The following SDK2 variants were observed in gnomAD, a reference collection of about 807,000 sequenced individuals.
SDK2 encodes protein sidekick-2.
Under a neutral mutation model 253.9 loss-of-function variants are expected in SDK2, and 105 were observed. The observed-to-expected ratio is 0.41, with a 90% confidence interval of 0.35 to 0.49. The LOEUF is 0.49. SDK2 is among the 20% of genes least tolerant of loss of function. The pLI is 0.06. For missense variants in SDK2, 2,608 were observed against 3,003.0 expected (o/e 0.87, Z 3.07); for synonymous variants, 1,249 against 1,234.9 (o/e 1.01, Z -0.24).
chr17:73,380,921 G>T lies in SDK2; in HGVS notation c.4735C>A (p.Pro1579Thr). The change falls in exon 34 of 45, where the codon CCC becomes ACC. Residue 1579 changes from proline (P) to threonine (T), a missense_variant. Around this residue, in one of 2 missense-constraint regions of SDK2, gnomAD observed 1,103 missense variants for 1,143.9 expected, o/e 0.96. Transcript: ENST00000392650. ...SMYSMRNLSRPSLTQYELDNL... is the reference protein window; with the variant it reads ...SMYSMRNLSRTSLTQYELDNL... ...TCCAGCTCGTACTGCGTGAGGCTGG[G>T]CCGGCTCAGGTTCCGCATGGAGTAC... 1.3e-6 allele frequency: 2 copies of T among 1,568,136 alleles called. No homozygotes were observed. Among genetic ancestry groups the T allele is most frequent in the Non-Finnish European group, 1.7e-6 (2 of 1,156,412 alleles).
chr17:73,427,067 A>G (rs2145599024), intron 12 of SDK2, among the ~76,000 whole-genome samples: 1 of 152,288 alleles, frequency 6.6e-6, no homozygotes, highest in East Asian at 1.9e-4. Context: ...CCTGGGTGAC[A>G]GAGCGAGACT....
rs1208103736 is a variant in SDK2, at chr17:73,511,919, GTGTGTGCAGGTGTGTC to G, written c.65-4338_65-4323del. Among the ~76,000 whole-genome samples, 1 of 152,130 alleles carries G rather than the reference GTGTGTGCAGGTGTGTC, an allele frequency of 6.6e-6. No homozygotes were observed. Among genetic ancestry groups the G allele is most frequent in the Non-Finnish European group, 1.5e-5 (1 of 68,024 alleles). On this transcript the variant is annotated intron_variant, in intron 1 of 44. Coordinates refer to ENST00000392650, the MANE Select transcript of SDK2 (RefSeq NM_001144952.2). This position sits in a 1 kb window ranked among gnomAD's most constrained non-coding sequence, Gnocchi z 4.9. ...CACGTGTTTATGTGTGCAGGTGTGT[GTGTGTGCAGGTGTGTC>G]TGCATGTATGTCCATGTGTGGACAT...
intron 1 of SDK2, among the ~76,000 whole-genome samples, chr17:73,640,576 G>A (rs1408525853): frequency 1.3e-5 from 2 of 152,196 alleles, no homozygotes; most frequent in South Asian, 4.1e-4. Flanking sequence ...GGTAATTAGC[G>A]AAAGGCCCTG....
chr17:73,457,688 C>T (rs2063538511), intron 3 of SDK2, among the ~76,000 whole-genome samples: 1 of 151,942 alleles, frequency 6.6e-6, no homozygotes, highest in African/African-American at 2.4e-5. Context: ...GTGCCTGGAC[C>T]TGTGCACAGA....
chr17:73,393,234 T>C (rs2062942475), intron 27 of SDK2, among the ~76,000 whole-genome samples: 1 of 96,388 alleles, frequency 1.0e-5, no homozygotes, highest in East Asian at 3.5e-4. Context: ...GACAGAGTGA[T>C]ACTCTATCAA....
intron 1 of SDK2, among the ~76,000 whole-genome samples, chr17:73,604,129 T>G (rs1283152666): frequency 6.6e-6 from 1 of 152,200 alleles, no homozygotes; most frequent in African/African-American, 2.4e-5. Flanking sequence ...AGTGTTTATT[T>G]CCAGGGCGAG....
chr17:73,542,412 C>A (rs778290322), intron 1 of SDK2, among the ~76,000 whole-genome samples: 3 of 152,196 alleles, frequency 2.0e-5, no homozygotes, highest in Non-Finnish European at 4.4e-5. Flanking sequence ...CTCCTGGGTG[C>A]CTGTTGGTGG....
At position 73,639,275 on chromosome 17, in the gene SDK2, C is replaced by G. The variant is rs2046368211; in HGVS notation, c.64+4750G>C. 6.6e-6 allele frequency among the ~76,000 whole-genome samples: 1 copy of G among 152,128 alleles called. No homozygotes were observed. The highest frequency in any genetic ancestry group is 2.1e-4 in the South Asian group (1 of 4,830). ...TCTCCCCAGGGCTCCCTGGGCTCAG[C>G]AAGAGGCTTTTTGGTCCAGGCACCA... is the stretch of plus-strand genomic sequence containing the variant. On this transcript the variant is annotated intron_variant, in intron 1 of 44. Transcript: ENST00000392650. This position sits in a 1 kb window ranked among gnomAD's most constrained non-coding sequence, Gnocchi z 4.3.
At position 73,431,074 on chromosome 17, in the gene SDK2, G is replaced by A. The variant is rs937892362; in HGVS notation, c.1480+428C>T. On this transcript the variant is annotated intron_variant, in intron 11 of 44. Coordinates refer to ENST00000392650, the MANE Select transcript of SDK2 (RefSeq NM_001144952.2). This position sits in a 1 kb window ranked among gnomAD's most constrained non-coding sequence, Gnocchi z 5.6. Reference sequence around the variant, plus strand: ...TTTTTGGCTAAATAAACCCTTACTGGAACATAGCCACGCCCATTGGATGAC... The same window carrying A: ...TTTTTGGCTAAATAAACCCTTACTGAAACATAGCCACGCCCATTGGATGAC... Among the ~76,000 whole-genome samples the A allele has an allele frequency of 6.6e-6, 1 of 152,216 alleles. No homozygotes were observed. The highest frequency in any genetic ancestry group is 1.5e-5 in the Non-Finnish European group (1 of 68,032).
chr17:73,376,063 A>G (rs866564874), intron 36 of SDK2, among the ~76,000 whole-genome samples: 101 of 151,856 alleles, frequency 6.7e-4, no homozygotes, highest in African/African-American at 2.2e-3. Flanking sequence ...GCATGGTGGC[A>G]GGCACCTGTA....
At chr17:73,372,128 G>C (rs1318052279) in intron 36 of SDK2, among the ~76,000 whole-genome samples, 1 of 152,178 alleles carries the variant, frequency 6.6e-6, no homozygotes, top group African/African-American at 2.4e-5. Context: ...TAGAACCCAG[G>C]GACAGCTGTC....
intron 24 of SDK2, 73 bp downstream of exon 24, chr17:73,397,962 A>T (rs2062985530): frequency 6.6e-7 from 1 of 1,511,794 alleles, no homozygotes; most frequent in South Asian, 1.2e-5. Context: ...AGGAATTCTG[A>T]TGTGCACCTT....
chr17:73,474,810 G>T (rs899882671), intron 2 of SDK2, among the ~76,000 whole-genome samples: 1 of 152,188 alleles, frequency 6.6e-6, no homozygotes, highest in Middle Eastern at 3.2e-3. Context: ...GGCCGGAAAA[G>T]CTCTCTGCCT....
chr17:73,531,249 A>C (rs1423644261), intron 1 of SDK2, among the ~76,000 whole-genome samples: 1 of 152,212 alleles, frequency 6.6e-6, no homozygotes, highest in Admixed American at 6.5e-5. Context: ...CAACATGCTC[A>C]AAAGTTTAAA....
intron 1 of SDK2, among the ~76,000 whole-genome samples, chr17:73,579,245 A>C (rs557672360): frequency 4.3e-4 from 66 of 152,150 alleles, no homozygotes; most frequent in Non-Finnish European, 8.5e-4. Context: ...GCAGTCACAG[A>C]TCCAAGTGAT....
At chr17:73,350,530 C>A in intron 42 of SDK2, 120 bp downstream of exon 42, 1 of 1,404,928 alleles carries the variant, frequency 7.1e-7, no homozygotes, top group Non-Finnish European at 9.6e-7. Context: ...GGCTGCCCCA[C>A]CCACCAGAGC....
intron 1 of SDK2, among the ~76,000 whole-genome samples, chr17:73,515,906 C>T (rs907334756): frequency 2.2e-4 from 33 of 152,196 alleles, no homozygotes; most frequent in African/African-American, 7.2e-4. Flanking sequence ...ATCAAATGAG[C>T]TAATGTGGGT....
Position 73,616,735 on chromosome 17 carries a change from G to C in SDK2, c.64+27290C>G, listed in dbSNP as rs1371611321. On this transcript the variant is annotated intron_variant, in intron 1 of 44. Coordinates refer to ENST00000392650, the MANE Select transcript of SDK2 (RefSeq NM_001144952.2). The surrounding 1 kb of genome is among the most constrained non-coding windows in gnomAD (Gnocchi z 5.2). The stretch of plus-strand genomic sequence containing the variant: ...ACTTTCCTCCTGGGCCCAGCCCTTA[G>C]AGAGGTGCCTGAGAGGTGAGGGAGG... Among the ~76,000 whole-genome samples the C allele has an allele frequency of 6.6e-6, 1 of 152,228 alleles. No homozygotes were observed. Among genetic ancestry groups the C allele is most frequent in the African/African-American group, 2.4e-5 (1 of 41,450 alleles).
At chr17:73,453,916 G>A (rs1487853139) in intron 4 of SDK2, among the ~76,000 whole-genome samples, 1 of 152,036 alleles carries the variant, frequency 6.6e-6, no homozygotes, top group African/African-American at 2.4e-5. Flanking sequence ...ATATGATGCT[G>A]GTTCTATAAG....
Sources: gnomAD v4.1 joint callset for allele counts (sites outside exome capture counted in the v4.1 genomes callset) on GRCh38, gnomAD v4.1.1 for gene constraint, gnomAD v4.1.1 regional missense constraint, Gnocchi (gnomAD v3.1) non-coding constraint, MANE v1.5 for transcripts, NCBI Gene and HGNC (gene_info 2026-07-23, HGNC 2026-07-21) for gene names.